The following THSD7B variants were observed in gnomAD, a reference collection of about 807,000 sequenced individuals.
THSD7B encodes the protein thrombospondin type 1 domain containing 7B, also known as thrombospondin type-1 domain-containing protein 7B.
Under a neutral mutation model 213.6 loss-of-function variants are expected in THSD7B, and 138 were observed. That is an observed-to-expected ratio of 0.65 (90% confidence interval 0.56 to 0.74). THSD7B has a LOEUF of 0.74. Ranked by LOEUF, THSD7B falls within the 30% of genes least tolerant of loss-of-function variation. The pLI is 0.00. For missense variants in THSD7B, 1,931 were observed against 1,991.5 expected (o/e 0.97, Z 0.58); for synonymous variants, 742 against 687.0 (o/e 1.08, Z -1.25).
At chr2:137,564,346 T>C (rs1041905597) in intron 16 of THSD7B, among the ~76,000 whole-genome samples, 2 of 152,160 alleles carry the variant, frequency 1.3e-5, no homozygotes, top group South Asian at 2.1e-4. Context: ...TGTTGCAAAA[T>C]CACTGGTAGT....
At chr2:136,903,567 G>A (rs1490340774) in intron 2 of THSD7B, among the ~76,000 whole-genome samples, 1 of 152,110 alleles carries the variant, frequency 6.6e-6, no homozygotes, top group East Asian at 1.9e-4. Context: ...CAAGATGGAG[G>A]TCTTTTACCC....
intron 15 of THSD7B, among the ~76,000 whole-genome samples, chr2:137,549,307 GCTCTT>G (rs749779747): frequency 1.3e-4 from 10 of 76,198 alleles, no homozygotes; most frequent in South Asian, 6.4e-4. Context: ...TTTTTCAGAT[GCTCTT>G]TTTTTTTTTT....
At chr2:137,559,152 T>G (rs1223953508) in intron 15 of THSD7B, among the ~76,000 whole-genome samples, 1 of 152,098 alleles carries the variant, frequency 6.6e-6, no homozygotes, top group African/African-American at 2.4e-5. Context: ...AGGTAATTTA[T>G]AGATTCAATG....
At chr2:137,448,825 A>AACG (rs1687593804) in intron 14 of THSD7B, among the ~76,000 whole-genome samples, 1 of 150,654 alleles carries the variant, frequency 6.6e-6, no homozygotes, top group African/African-American at 2.5e-5. Flanking sequence ...CAACAACAAC[A>AACG]ACAACAACAA....
chr2:137,277,030 AT>A (rs1465118314), intron 12 of THSD7B, among the ~76,000 whole-genome samples: 3 of 152,046 alleles, frequency 2.0e-5, no homozygotes, highest in African/African-American at 7.2e-5. Context: ...GTAATAATAT[AT>A]TGTTATTTTA....
intron 1 of THSD7B, among the ~76,000 whole-genome samples, chr2:136,777,067 G>T (rs1416909166): frequency 6.6e-6 from 1 of 152,084 alleles, no homozygotes; most frequent in Non-Finnish European, 1.5e-5. Flanking sequence ...TAATTACAAG[G>T]GGTAGAAGGA....
intron 9 of THSD7B, among the ~76,000 whole-genome samples, chr2:137,240,345 T>C (rs1681873561): frequency 6.6e-6 from 1 of 152,224 alleles, no homozygotes. Context: ...ATGAAATTGC[T>C]TTCAGATTTA....
intron 2 of THSD7B, among the ~76,000 whole-genome samples, chr2:136,919,287 A>C (rs1402829061): frequency 6.6e-6 from 1 of 152,208 alleles, no homozygotes; most frequent in Non-Finnish European, 1.5e-5. Context: ...TGCTTCTGCC[A>C]AAATATATTC....
At chr2:137,429,504 G>T (rs1687129428) in intron 14 of THSD7B, among the ~76,000 whole-genome samples, 1 of 152,098 alleles carries the variant, frequency 6.6e-6, no homozygotes, top group Non-Finnish European at 1.5e-5. Context: ...TTGGCACTAT[G>T]AATTTTGATT....
intron 17 of THSD7B, among the ~76,000 whole-genome samples, chr2:137,602,684 G>A (rs565260948): frequency 1.3e-5 from 2 of 152,238 alleles, no homozygotes; most frequent in South Asian, 2.1e-4. Context: ...CAGTGGTGGG[G>A]GACAAGTTTC....
rs562398979 is a variant in THSD7B, at chr2:137,192,194, T to C, written c.1723+21256T>C. On this transcript the variant is annotated intron_variant, in intron 7 of 27. Coordinates refer to ENST00000409968, the MANE Select transcript of THSD7B (RefSeq NM_001316349.2). ...CTCTCAGTTTATCCCAGCTTAATCG[T>C]GGGTATACATAAATAATATACTAAT... Among the ~76,000 whole-genome samples the C allele has an allele frequency of 2.6e-5, 4 of 152,198 alleles. No homozygotes were observed. In the East Asian group the frequency reaches 7.7e-4, roughly 29 times the overall value.
intron 15 of THSD7B, among the ~76,000 whole-genome samples, chr2:137,507,118 C>T (rs1679853571): frequency 6.6e-6 from 1 of 152,182 alleles, no homozygotes; most frequent in African/African-American, 2.4e-5. Flanking sequence ...TGAGTATTCT[C>T]ATTCATACAA....
At chr2:137,163,195 A>G (rs1042799221) in intron 6 of THSD7B, among the ~76,000 whole-genome samples, 1 of 152,124 alleles carries the variant, frequency 6.6e-6, no homozygotes, top group Non-Finnish European at 1.5e-5. Flanking sequence ...GTAAAAGTCA[A>G]CCTGTGCAGA....
At chr2:137,160,391 C>T (rs1417525956) in intron 6 of THSD7B, 23 bp downstream of exon 6, 5 of 1,608,926 alleles carry the variant, frequency 3.1e-6, no homozygotes, top group Middle Eastern at 1.7e-4. Flanking sequence ...TTTGCATGCG[C>T]TTCATTTGCT....
intron 14 of THSD7B, among the ~76,000 whole-genome samples, chr2:137,442,149 T>C (rs1687425841): frequency 6.6e-6 from 1 of 152,114 alleles, no homozygotes; most frequent in African/African-American, 2.4e-5. Context: ...AGACTTTGAT[T>C]TATAATCCAT....
chr2:137,572,915 G>A (rs921171415), intron 17 of THSD7B, among the ~76,000 whole-genome samples: 6 of 151,958 alleles, frequency 3.9e-5, no homozygotes, highest in South Asian at 2.1e-4. Context: ...TTTTATCCTG[G>A]CAGAATCAAT....
In THSD7B at chr2:136,804,438, A is replaced by ACACACC. The variant is rs61679077; in HGVS notation, c.-36+38752_-36+38753insACACCC. Among the ~76,000 whole-genome samples, 77 of 138,702 alleles carry ACACACC rather than the reference A, an allele frequency of 5.6e-4. No individual in the cohort carries two copies. The Middle Eastern group carries it at 0.018, about 33-fold the overall frequency. The allele number at this position is 138,702 out of a possible 152,430, so 91.0% of individuals were successfully genotyped here. On this transcript the variant is annotated intron_variant, in intron 1 of 27. Coordinates refer to ENST00000409968, the MANE Select transcript of THSD7B (RefSeq NM_001316349.2). The stretch of plus-strand genomic sequence containing the variant: ...CACACACACACACACACACACACAC[A>ACACACC]CCCTTACCCTTGTGTGTTTTACATT...
chr2:137,429,214 T>C (rs1334057646), intron 14 of THSD7B, among the ~76,000 whole-genome samples: 1 of 152,138 alleles, frequency 6.6e-6, no homozygotes, highest in Non-Finnish European at 1.5e-5. Flanking sequence ...TTGGGGGTGA[T>C]TAAAGTATTG....
At chr2:136,866,089 A>G (rs1339277171) in intron 1 of THSD7B, among the ~76,000 whole-genome samples, 1 of 152,184 alleles carries the variant, frequency 6.6e-6, no homozygotes, top group Non-Finnish European at 1.5e-5. Flanking sequence ...TATTGTCAAC[A>G]CCTATGGTGT....
Sources: gnomAD v4.1 joint callset for allele counts (sites outside exome capture counted in the v4.1 genomes callset) on GRCh38, gnomAD v4.1.1 for gene constraint, MANE v1.5 for transcripts, NCBI Gene and HGNC (gene_info 2026-07-23, HGNC 2026-07-21) for gene names.